NLRP12: variants seen among roughly 807,000 people sequenced by gnomAD.
NLRP12 encodes NLR family pyrin domain containing 12.
A neutral mutation model predicts 91.2 loss-of-function variants in NLRP12; 108 were observed. The observed-to-expected ratio is 1.18, with a 90% CI of 1.01 to 1.39. NLRP12 has a LOEUF of 1.39. Ranked by LOEUF, NLRP12 falls within the 40% of genes most tolerant of loss-of-function variation. NLRP12 has a pLI of 0.00. For synonymous variants in NLRP12, 613 were observed against 566.7 expected (o/e 1.08, Z -1.16); for missense variants, 1,530 against 1,352.7 (o/e 1.13, Z -2.06).
chr19:53,796,406 C>G (rs2091761138), intron 8 of NLRP12, among the ~76,000 whole-genome samples: 1 of 120,998 alleles, frequency 8.3e-6, no homozygotes, highest in African/African-American at 3.7e-5. Context: ...CGAGAGCCAC[C>G]ACACCCAACT....
chr19:53,819,342 T>G (rs1238544556), intron 1 of NLRP12, among the ~76,000 whole-genome samples: 1 of 141,142 alleles, frequency 7.1e-6, no homozygotes, highest in Non-Finnish European at 1.5e-5. Context: ...CCTCCCGGGT[T>G]CAAGTGATTC....
chr19:53,805,900 T>G, intron 4 of NLRP12: 1 of 230,574 alleles, frequency 4.3e-6, no homozygotes, highest in Non-Finnish European at 8.7e-6. Context: ...TAAAATGTTT[T>G]GATGCTTTGT....
In NLRP12 at chr19:53,795,974, C is replaced by T. The variant is rs377269841; in HGVS notation, c.2983G>A (p.Gly995Arg). The T allele has an allele frequency of 6.2e-7, 1 of 1,614,038 alleles. No homozygotes were observed. The highest frequency in any genetic ancestry group is 1.3e-5 in the African/African-American group (1 of 74,928). Residue 995 changes from glycine to arginine, a missense_variant, in exon 9 of 10, where the codon GGG (glycine) becomes AGG (arginine). By Grantham distance (125) the Gly-to-Arg change is moderately radical. Transcript: ENST00000324134. ...KACENLYFTL[G>R]INQTLTDLYL... ...AGGTCGGTCAAGGTCTGGTTGATCC[C>T]CAGGGTGAAGTAAAGATTCTCACAA... is the stretch of plus-strand genomic sequence containing the variant.
rs900354128 is a variant in NLRP12, at chr19:53,793,787, A to G, written c.*262T>C. 38 of 559,760 alleles carry G rather than the reference A, an allele frequency of 6.8e-5. No homozygotes were observed. Among genetic ancestry groups the G allele is most frequent in the Non-Finnish European group, 1.1e-4 (34 of 311,342 alleles). 34.7% of individuals were successfully genotyped at this position (559,760 alleles called of 1,614,324 possible). A position where few individuals can be genotyped will look rare whatever the true frequency, so the allele number is the denominator to read the frequency against. ...TTTTTAGTAGAGACAGGGTTTCACC[A>G]TCTTGGCCAGGCTAATCTCAAACTC... On this transcript the variant is annotated 3_prime_UTR_variant, in exon 10 of 10. Coordinates refer to ENST00000324134, the MANE Select transcript of NLRP12 (RefSeq NM_144687.4).
chr19:53,809,400 G>A (rs1373557399), intron 3 of NLRP12, among the ~76,000 whole-genome samples, 187 bp downstream of exon 3: 7 of 149,770 alleles, frequency 4.7e-5, no homozygotes, highest in Non-Finnish European at 7.4e-5. Context: ...GCGTGGTGGC[G>A]TGCACCTGTA....
intron 1 of NLRP12, among the ~76,000 whole-genome samples, chr19:53,819,668 C>CGTATATATATGCGT (rs1555799178): frequency 0.016 from 136 of 8,650 alleles, 31 homozygotes; most frequent in Non-Finnish European, 0.019. Context: ...CACATGTATA[C>CGTATATATATGCGT]ATATATGTAT....
At position 53,811,424 on chromosome 19, in the gene NLRP12, G is replaced by C. The variant is rs182361366; in HGVS notation, c.371-136C>G. The stretch of plus-strand genomic sequence containing the variant: ...AGCTACTCAGGAGGCTGAGATGGGA[G>C]AATCACTTGAACCCCTGAGGTGGAG... On this transcript the variant is annotated intron_variant, in intron 2 of 9. Coordinates refer to ENST00000324134, the MANE Select transcript of NLRP12 (RefSeq NM_144687.4). 1.2e-4 allele frequency: 113 copies of C among 971,142 alleles called. No individual in the cohort carries two copies. In the African/African-American group the frequency reaches 1.7e-3, roughly 15 times the overall value. 60.2% of individuals were successfully genotyped at this position (971,142 alleles called of 1,614,324 possible). A position where few individuals can be genotyped will look rare whatever the true frequency, so the allele number is the denominator to read the frequency against.
intron 1 of NLRP12, among the ~76,000 whole-genome samples, chr19:53,823,531 AT>A (rs1328175517): frequency 2.1e-5 from 3 of 141,256 alleles, no homozygotes; most frequent in African/African-American, 7.8e-5. Context: ...TATATTTTAA[AT>A]ATATATATTT....
At chr19:53,807,451 C>T (rs1250795914) in intron 4 of NLRP12, 44 bp downstream of exon 4, 21 of 1,588,662 alleles carry the variant, frequency 1.3e-5, no homozygotes, top group Non-Finnish European at 1.7e-5. Flanking sequence ...CATGAGAGGC[C>T]ACGGTGGGGA....
At chr19:53,805,653 G>A in intron 4 of NLRP12, 1 of 622,268 alleles carries the variant, frequency 1.6e-6, no homozygotes, top group East Asian at 3.2e-5. Flanking sequence ...GAGTAGCTGG[G>A]CTTACAGACG....
chr19:53,821,455 T>C (rs1301054905), intron 1 of NLRP12, among the ~76,000 whole-genome samples: 1 of 151,876 alleles, frequency 6.6e-6, no homozygotes, highest in Non-Finnish European at 1.5e-5. Flanking sequence ...GATCATGAGG[T>C]CAGGAGATCG....
intron 9 of NLRP12, among the ~76,000 whole-genome samples, chr19:53,795,589 T>C (rs958010121): frequency 2.0e-5 from 3 of 150,720 alleles, no homozygotes; most frequent in African/African-American, 7.3e-5. Flanking sequence ...TTAGCCAGGA[T>C]GGTCTCGATC....
Position 53,823,415 on chromosome 19 carries a change from G to T in NLRP12, c.289+471C>A, listed in dbSNP as rs28431392. Reference sequence around the variant, plus strand: ...TTTTAAATATATATTTAAAATATATGTTTTAAATATATATATTTAAAATAT... The same window carrying T: ...TTTTAAATATATATTTAAAATATATTTTTTAAATATATATATTTAAAATAT... On this transcript the variant is annotated intron_variant, in intron 1 of 9. Transcript: ENST00000324134. Among the ~76,000 whole-genome samples the T allele has an allele frequency of 1.3e-3, 136 of 106,676 alleles. 2 individuals are homozygous for T. The highest frequency in any genetic ancestry group is 4.1e-3 in the African/African-American group (105 of 25,870). 70.0% of individuals were successfully genotyped at this position (106,676 alleles called of 152,430 possible).
chr19:53,798,257 T>C lies in NLRP12; in HGVS notation c.2913A>G (p.Arg971=), dbSNP rs569436099. The C allele has an allele frequency of 6.2e-7, 1 of 1,613,850 alleles. No individual in the cohort carries two copies. The highest frequency in any genetic ancestry group is 1.1e-5 in the South Asian group (1 of 91,076). ...CCGATGCTCACCACAGTTTCTGGAG[T>C]CTGCAGGCGGGATGTTGCAGCCCCT... ...LAEGLQHPAC[R]LQKLWLDSCG... The change falls in exon 8 of 10, where the codon AGA becomes AGG. Residue 971 remains arginine, a synonymous_variant. Coordinates refer to ENST00000324134, the MANE Select transcript of NLRP12 (RefSeq NM_144687.4).
intron 1 of NLRP12, among the ~76,000 whole-genome samples, chr19:53,816,887 G>A (rs1321040286): frequency 1.3e-5 from 2 of 151,798 alleles, no homozygotes; most frequent in Non-Finnish European, 2.9e-5. Flanking sequence ...AGAGGAAAGG[G>A]GAAAATAGGG....
At chr19:53,796,821 C>A (rs1487478566) in intron 8 of NLRP12, among the ~76,000 whole-genome samples, 1 of 151,362 alleles carries the variant, frequency 6.6e-6, no homozygotes, top group Non-Finnish European at 1.5e-5. Flanking sequence ...ACATGAGAAA[C>A]CCCGTCTCTA....
chr19:53,801,735 G>A (rs542602572), intron 6 of NLRP12, among the ~76,000 whole-genome samples: 7 of 151,904 alleles, frequency 4.6e-5, no homozygotes, highest in East Asian at 2.0e-4. Flanking sequence ...AATTACAGGC[G>A]TGAGCCACTG....
chr19:53,805,966 GCTCAAGCCTGTAAT>G (rs2091952207), intron 4 of NLRP12, among the ~76,000 whole-genome samples: 1 of 152,014 alleles, frequency 6.6e-6, no homozygotes, highest in Non-Finnish European at 1.5e-5. Context: ...ATGTGCGGTG[GCTCAAGCCTGTAAT>G]CTCAGCACTT....
In NLRP12 at chr19:53,823,998, C is replaced by A. The variant is rs759015644; in HGVS notation, c.177G>T (p.Leu59=). 5.6e-6 allele frequency: 9 copies of A among 1,614,094 alleles called. No individual in the cohort carries two copies. In the African/African-American group the frequency reaches 1.1e-4, roughly 19 times the overall value. Residue 59 remains leucine (L), a synonymous_variant, in exon 1 of 10, where the codon CTG becomes CTT. Transcript: ENST00000324134. The part of the protein sequence containing the change: ...EKAGPLEMAQ[L]LITHFGPEEA... ...CCTCTGGCCCGAAGTGGGTGATGAG[C>A]AGCTGGGCCATTTCCAGGGGACCGG...
Sources: gnomAD v4.1 joint callset for allele counts (sites outside exome capture counted in the v4.1 genomes callset) on GRCh38, gnomAD v4.1.1 for gene constraint, MANE v1.5 for transcripts, NCBI Gene and HGNC (gene_info 2026-07-23, HGNC 2026-07-21) for gene names.